Variants in MYO3B observed in about 807,000 individuals in gnomAD.
MYO3B encodes myosin IIIB, also known as myosin-IIIb.
In MYO3B, 156 loss-of-function variants were observed where a neutral mutation model predicts 174.6. The ratio of observed to expected loss-of-function variants is 0.89; its 90% CI spans 0.78 to 1.02. The LOEUF is 1.02. MYO3B is among the 50% of genes least tolerant of loss of function. The probability of loss-of-function intolerance (pLI) is 0.00; values close to 1 mark genes in which losing one functional copy is unlikely to be tolerated. For missense variants in MYO3B, 1,632 were observed against 1,639.4 expected (o/e 1.00, Z 0.08); for synonymous variants, 563 against 569.1 (o/e 0.99, Z 0.15).
At chr2:170,626,452 C>G (rs1447227128) in intron 32 of MYO3B, among the ~76,000 whole-genome samples, 1 of 152,096 alleles carries the variant, frequency 6.6e-6, no homozygotes, top group East Asian at 1.9e-4. Flanking sequence ...TGTCTCTGCA[C>G]GTGAGATGGG....
At chr2:170,633,631 C>T (rs532035538) in intron 32 of MYO3B, among the ~76,000 whole-genome samples, 1 of 152,088 alleles carries the variant, frequency 6.6e-6, no homozygotes, top group Non-Finnish European at 1.5e-5. Flanking sequence ...GGCAATCAGG[C>T]AAGAGAAAGA....
intron 7 of MYO3B, among the ~76,000 whole-genome samples, chr2:170,321,837 C>T (rs914972793): frequency 3.3e-5 from 5 of 152,026 alleles, no homozygotes; most frequent in Non-Finnish European, 7.4e-5. Context: ...AAGAGTAGGC[C>T]GGGTGCAGTG....
In MYO3B at chr2:170,460,868, A is replaced by G. The variant is rs1284835668; in HGVS notation, c.2731-2500A>G. ...ATTTATTTATATTTTATTTGTGCAG[A>G]TTTATGGGGTACATGTGAAATTTTC... is the stretch of plus-strand genomic sequence containing the variant. On this transcript the variant is annotated intron_variant, in intron 23 of 34. Transcript: ENST00000408978. 3.9e-5 allele frequency among the ~76,000 whole-genome samples: 6 copies of G among 152,280 alleles called. No homozygotes were observed. The East Asian group carries it at 1.2e-3, about 29-fold the overall frequency.
At position 170,217,336 on chromosome 2, in the gene MYO3B, A is replaced by T. The variant is rs2092841255; in HGVS notation, c.544A>T (p.Thr182Ser). 17 of 1,614,052 alleles carry T rather than the reference A, an allele frequency of 1.1e-5. No homozygotes were observed. The highest frequency in any genetic ancestry group is 1.4e-5 in the Non-Finnish European group (17 of 1,179,918). The change falls in exon 6 of 35, where the codon ACC becomes TCC. Residue 182 changes from threonine (T) to serine (S), a missense_variant. By Grantham distance (58) the Thr-to-Ser change is moderately conservative (BLOSUM62 1). Transcript: ENST00000408978. ...LVDFGVSAQL[T>S]STRLRRNTSV... ...CCTTATAGGTGTTTCAGCTCAACTC[A>T]CCAGTACACGTCTGCGGAGAAACAC...
intron 7 of MYO3B, chr2:170,334,296 C>T (rs185694033): frequency 2.0e-5 from 3 of 152,272 alleles, no homozygotes; most frequent in East Asian, 3.9e-4. Context: ...ATCTTTATTA[C>T]GGCAGCAGTA....
chr2:170,513,862 A>G (rs934859), intron 28 of MYO3B, among the ~76,000 whole-genome samples: 84,273 of 151,804 alleles, frequency 0.56, 23,701 homozygotes, highest in South Asian at 0.73. Flanking sequence ...GGAGTCAACC[A>G]GAAGGAGGGA....
intron 25 of MYO3B, among the ~76,000 whole-genome samples, chr2:170,497,326 A>C (rs1686917601): frequency 6.6e-6 from 1 of 152,222 alleles, no homozygotes; most frequent in Admixed American, 6.5e-5. Context: ...ATAGAAATAC[A>C]CAAGTCTAGG....
chr2:170,386,375 CATA>C (rs2094375267), intron 13 of MYO3B, 103 bp downstream of exon 13: 2 of 878,174 alleles, frequency 2.3e-6, no homozygotes, highest in Non-Finnish European at 1.8e-6. Context: ...TTAAGGCTTA[CATA>C]AAGACATTCC....
chr2:170,224,397 A>G (rs2092930837), intron 6 of MYO3B, among the ~76,000 whole-genome samples: 1 of 152,214 alleles, frequency 6.6e-6, no homozygotes, highest in Non-Finnish European at 1.5e-5. Context: ...AGGCAGGGAA[A>G]GGATACTTGT....
At chr2:170,441,819 C>T (rs2105907836) in intron 22 of MYO3B, among the ~76,000 whole-genome samples, 2 of 152,304 alleles carry the variant, frequency 1.3e-5, no homozygotes, top group Middle Eastern at 3.4e-3. Flanking sequence ...CTTTCATTGC[C>T]ATCTTGGTTT....
In MYO3B at chr2:170,309,081, A is replaced by T. The variant is rs1021780933; in HGVS notation, c.750-26304A>T. ...TAGAGCACTGGATGATCTCAAAGGG[A>T]TCCTCTTGAGACCTTTAAATAACGT... On this transcript the variant is annotated intron_variant, in intron 7 of 34. Coordinates refer to ENST00000408978, the MANE Select transcript of MYO3B (RefSeq NM_138995.5). Among the ~76,000 whole-genome samples, 4 of 152,302 alleles carry T rather than the reference A, an allele frequency of 2.6e-5. No individual in the cohort carries two copies. The South Asian group carries it at 6.2e-4, about 24-fold the overall frequency.
chr2:170,266,724 T>C (rs987504543), intron 7 of MYO3B, among the ~76,000 whole-genome samples: 2 of 152,204 alleles, frequency 1.3e-5, no homozygotes, highest in Non-Finnish European at 2.9e-5. Context: ...CAAAAGTTTA[T>C]TGAAAGTCAA....
intron 32 of MYO3B, among the ~76,000 whole-genome samples, chr2:170,594,830 C>T (rs1057225419): frequency 1.4e-4 from 10 of 69,434 alleles, no homozygotes; most frequent in African/African-American, 9.0e-4. Context: ...AGCGCGCGCA[C>T]ACACACACAC....
intron 32 of MYO3B, among the ~76,000 whole-genome samples, chr2:170,650,365 T>C (rs1698908367): frequency 6.6e-6 from 1 of 152,156 alleles, no homozygotes; most frequent in South Asian, 2.1e-4. Context: ...GCTAAGTCAC[T>C]CTCTACTTTA....
At chr2:170,549,368 A>T (rs569712130) in intron 32 of MYO3B, among the ~76,000 whole-genome samples, 58 of 152,216 alleles carry the variant, frequency 3.8e-4, no homozygotes, top group African/African-American at 1.2e-3. Flanking sequence ...CACTGTTGGG[A>T]TGTAGTAGAG....
At chr2:170,379,241 T>C (rs1007957542) in intron 9 of MYO3B, among the ~76,000 whole-genome samples, 3 of 149,352 alleles carry the variant, frequency 2.0e-5, no homozygotes, top group Admixed American at 6.7e-5. Context: ...TGTTGCCAGG[T>C]TGGCATGCAG....
At chr2:170,285,789 A>G (rs2093551703) in intron 7 of MYO3B, among the ~76,000 whole-genome samples, 1 of 146,468 alleles carries the variant, frequency 6.8e-6, no homozygotes, top group Admixed American at 7.0e-5. Context: ...TATTTATGTG[A>G]AAGTCATAAT....
intron 28 of MYO3B, among the ~76,000 whole-genome samples, chr2:170,513,567 A>T (rs1427718125): frequency 1.3e-5 from 2 of 151,954 alleles, no homozygotes. Context: ...ATCTGCAAAA[A>T]CCCTGTTTCC....
intron 32 of MYO3B, among the ~76,000 whole-genome samples, chr2:170,588,468 T>C (rs944142029): frequency 6.6e-6 from 1 of 152,124 alleles, no homozygotes; most frequent in Non-Finnish European, 1.5e-5. Context: ...ACAGTGCCAG[T>C]GTACTACAGG....
Sources: allele counts gnomAD v4.1 joint callset (sites outside exome capture counted in the v4.1 genomes callset), GRCh38; gene constraint gnomAD v4.1.1; transcripts MANE v1.5; gene names NCBI Gene and HGNC (gene_info 2026-07-23, HGNC 2026-07-21).